Variants in ASZ1 observed in about 807,000 individuals in gnomAD.
ASZ1 encodes the protein ankyrin repeat, SAM and basic leucine zipper domain containing 1.
In ASZ1, 67 loss-of-function variants were observed where a neutral mutation model predicts 61.8. The ratio of observed to expected loss-of-function variants is 1.08; its 90% CI spans 0.89 to 1.33. ASZ1 has a LOEUF of 1.33. Among genes scored for constraint, ASZ1 ranks in the 40% most tolerant of loss-of-function variants. ASZ1 has a pLI of 0.00. For missense variants in ASZ1, 577 were observed against 554.5 expected (o/e 1.04, Z -0.41); for synonymous variants, 193 against 192.7 (o/e 1.00, Z -0.01).
At chr7:117,394,187 C>A (rs963622416) in intron 4 of ASZ1, among the ~76,000 whole-genome samples, 1 of 152,136 alleles carries the variant, frequency 6.6e-6, no homozygotes, top group African/African-American at 2.4e-5. Flanking sequence ...TCACTGCAGC[C>A]TTGACCTCCT....
intron 4 of ASZ1, among the ~76,000 whole-genome samples, chr7:117,414,960 T>C (rs1364452229): frequency 6.6e-6 from 1 of 152,206 alleles, no homozygotes; most frequent in Non-Finnish European, 1.5e-5. Flanking sequence ...CACATGTCTT[T>C]ATAGCAGAAT....
chr7:117,374,715 G>A (rs1035111542), intron 10 of ASZ1, among the ~76,000 whole-genome samples: 1 of 151,990 alleles, frequency 6.6e-6, no homozygotes, highest in Non-Finnish European at 1.5e-5. Flanking sequence ...GGTATTAAAA[G>A]TAAGATTAGA....
intron 10 of ASZ1, among the ~76,000 whole-genome samples, chr7:117,369,729 C>T (rs751373339): frequency 3.9e-5 from 6 of 152,042 alleles, no homozygotes; most frequent in Non-Finnish European, 7.4e-5. Context: ...TTGGTTTCCA[C>T]GGAAGGCGGT....
intron 4 of ASZ1, among the ~76,000 whole-genome samples, chr7:117,417,772 A>G (rs1275593789): frequency 6.6e-6 from 1 of 152,192 alleles, no homozygotes; most frequent in Non-Finnish European, 1.5e-5. Context: ...GTTATTTCTC[A>G]CATCTATTAA....
chr7:117,387,012 T>C (rs1796369140), intron 4 of ASZ1, among the ~76,000 whole-genome samples: 1 of 151,652 alleles, frequency 6.6e-6, no homozygotes, highest in South Asian at 2.1e-4. Context: ...AAAAAATATA[T>C]ACAACTAGCC....
chr7:117,391,945 C>T (rs1481713778), intron 4 of ASZ1, among the ~76,000 whole-genome samples: 2 of 152,032 alleles, frequency 1.3e-5, no homozygotes, highest in African/African-American at 4.8e-5. Context: ...GCGTGCACCA[C>T]CAGGCCCAGC....
At position 117,427,470 on chromosome 7, in the gene ASZ1, G is replaced by A. The variant is rs984728885; in HGVS notation, c.-10C>T. On this transcript the variant is annotated 5_prime_UTR_variant, in exon 1 of 13. Coordinates refer to ENST00000284629, the MANE Select transcript of ASZ1 (RefSeq NM_130768.3). The stretch of plus-strand genomic sequence containing the variant: ...GCGCGCTCGCCGCCATGCCAGCCAA[G>A]GAAGCTCCCTGTCGGCACCGCGCGC... The A allele has an allele frequency of 8.7e-6, 14 of 1,613,492 alleles. No individual in the cohort carries two copies. Among genetic ancestry groups the A allele is most frequent in the Middle Eastern group, 1.6e-4 (1 of 6,082 alleles).
intron 10 of ASZ1, among the ~76,000 whole-genome samples, chr7:117,373,058 G>T (rs560655134): frequency 6.7e-4 from 102 of 152,076 alleles, no homozygotes; most frequent in African/African-American, 2.3e-3. Context: ...GATTTTTTGG[G>T]GTGGAGCTGT....
intron 10 of ASZ1, among the ~76,000 whole-genome samples, chr7:117,372,234 G>C (rs1175106419): frequency 6.6e-6 from 1 of 152,154 alleles, no homozygotes; most frequent in Non-Finnish European, 1.5e-5. Context: ...TTTCTACAGA[G>C]CTAACTAGTA....
In ASZ1 at chr7:117,367,446, G is replaced by C; in HGVS notation, c.1181C>G (p.Ser394Cys). The C allele has an allele frequency of 6.5e-7, 1 of 1,541,210 alleles. No homozygotes were observed. Among genetic ancestry groups the C allele is most frequent in the Non-Finnish European group, 8.7e-7 (1 of 1,144,876 alleles). The change falls in exon 12 of 13, where the codon TCT becomes TGT. Residue 394 changes from serine (S) to cysteine (C), a missense_variant. Ser to Cys is a moderately radical substitution (Grantham distance 112). Transcript: ENST00000284629. ...NSQKITLEWA[S>C]PQNFTSVCEE... ...ACAAACTGAAGTAAAATTCTGGGGA[G>C]AAGCCCATTCCAGTGTTATCTGTTA...
intron 4 of ASZ1, among the ~76,000 whole-genome samples, chr7:117,388,524 T>TA (rs1266598735): frequency 6.6e-6 from 1 of 152,082 alleles, no homozygotes; most frequent in Non-Finnish European, 1.5e-5. Flanking sequence ...TAATGTACCA[T>TA]ATTAACAAAC....
chr7:117,405,618 T>C (rs1330448250), intron 4 of ASZ1, among the ~76,000 whole-genome samples: 1 of 152,226 alleles, frequency 6.6e-6, no homozygotes, highest in East Asian at 1.9e-4. Context: ...TCCCAGCGTT[T>C]CCCTTGTGGA....
chr7:117,420,402 T>C, intron 3 of ASZ1, 128 bp from the exon 4 acceptor site: 1 of 560,700 alleles, frequency 1.8e-6, no homozygotes, highest in Non-Finnish European at 3.0e-6. Context: ...TCTCTCACTC[T>C]TAGCAGGTAA....
At chr7:117,380,166 G>A (rs2116465093) in intron 9 of ASZ1, 119 bp from the exon 10 acceptor site, 2 of 635,234 alleles carry the variant, frequency 3.1e-6, no homozygotes, top group South Asian at 1.9e-5. Flanking sequence ...GCATATATTG[G>A]AAAAATAACA....
chr7:117,384,963 A>G, intron 5 of ASZ1, 103 bp from the exon 6 acceptor site: 1 of 1,048,716 alleles, frequency 9.5e-7, no homozygotes. Context: ...AAAAGAGAAC[A>G]TAGTTAATTA....
chr7:117,377,305 C>A (rs537463984), intron 10 of ASZ1, among the ~76,000 whole-genome samples: 1 of 152,132 alleles, frequency 6.6e-6, no homozygotes, highest in African/African-American at 2.4e-5. Flanking sequence ...GTGGGAGGAT[C>A]ACTTGAACCT....
Position 117,426,894 on chromosome 7 carries a change from T to C in ASZ1, c.147A>G (p.Lys49=), listed in dbSNP as rs149034008. 1.9e-6 allele frequency: 3 copies of C among 1,613,070 alleles called. No homozygotes were observed. Among genetic ancestry groups the C allele is most frequent in the Admixed American group, 1.7e-5 (1 of 59,832 alleles). ...CTCCGATGGTCATTGCTTTCTTAAATTTTTCTTTCTTTTCTTCAATGGGTA... is the reference window on the plus strand; with the variant it reads ...CTCCGATGGTCATTGCTTTCTTAAACTTTTCTTTCTTTTCTTCAATGGGTA... ...RLLPIEEKKE[K]FKKAMTIGDV... is the part of the protein sequence containing the mutation. The change falls in exon 2 of 13, where the codon AAA becomes AAG. Residue 49 remains lysine (K), a synonymous_variant. Coordinates refer to ENST00000284629, the MANE Select transcript of ASZ1 (RefSeq NM_130768.3).
chr7:117,400,731 G>A (rs1193817179), intron 4 of ASZ1, among the ~76,000 whole-genome samples: 1 of 152,196 alleles, frequency 6.6e-6, no homozygotes, highest in Non-Finnish European at 1.5e-5. Flanking sequence ...TAGATGCTAA[G>A]AGGGCTTTGA....
At chr7:117,405,251 T>A (rs1199357782) in intron 4 of ASZ1, among the ~76,000 whole-genome samples, 4 of 152,184 alleles carry the variant, frequency 2.6e-5, no homozygotes. Context: ...TTCAAATGAG[T>A]TACGTGGTAA....
Sources: gnomAD v4.1 joint callset for allele counts (sites outside exome capture counted in the v4.1 genomes callset) on GRCh38, gnomAD v4.1.1 for gene constraint, MANE v1.5 for transcripts, NCBI Gene and HGNC (gene_info 2026-07-23, HGNC 2026-07-21) for gene names.